Variants in CENPP observed in about 807,000 individuals in gnomAD.
The protein encoded by CENPP is centromere protein P.
Under a neutral mutation model 35.6 loss-of-function variants are expected in CENPP, and 24 were observed. That is an observed-to-expected ratio of 0.67 (90% confidence interval 0.49 to 0.95). The LOEUF (loss-of-function observed/expected upper bound fraction) is 0.95, where lower values mean the gene tolerates loss of function less well. Ranked by LOEUF, CENPP falls within the 40% of genes least tolerant of loss-of-function variation. The probability of loss-of-function intolerance (pLI) is 0.00; values close to 1 mark genes in which losing one functional copy is unlikely to be tolerated. For synonymous variants in CENPP, 120 were observed against 125.5 expected, an observed-to-expected ratio of 0.96 and a Z score of 0.29; for missense variants, 332 against 345.3, an observed-to-expected ratio of 0.96 and a Z score of 0.31.
intron 4 of CENPP, among the ~76,000 whole-genome samples, chr9:92,376,627 C>T (rs1300471967): frequency 6.6e-6 from 1 of 152,184 alleles, no homozygotes; most frequent in Non-Finnish European, 1.5e-5. Context: ...AGGTGTACCG[C>T]TTGCATAGGA....
rs968040 is a variant in CENPP at position 92,517,703 on chromosome 9, C to T, written c.565-93611C>T. 72 of 1,613,694 alleles carry T rather than the reference C, an allele frequency of 4.5e-5. No individual in the cohort carries two copies. In the Admixed American group the frequency reaches 6.2e-4, roughly 14 times the overall value. On this transcript the variant is annotated intron_variant, in intron 5 of 7. Transcript: ENST00000375587. The stretch of plus-strand genomic sequence containing the variant: ...TCTCTGTACCAGTAGCGGAGCAGAC[C>T]GGGCAGCATTCCCCTTCAGGTATAA...
intron 5 of CENPP, among the ~76,000 whole-genome samples, chr9:92,390,595 C>T (rs1055743084): frequency 9.2e-4 from 135 of 146,302 alleles, no homozygotes; most frequent in African/African-American, 3.0e-3. Flanking sequence ...TGTGCGCGCG[C>T]GCGTACTTGC....
chr9:92,585,828 C>T (rs1426166605), intron 5 of CENPP, among the ~76,000 whole-genome samples: 2 of 152,210 alleles, frequency 1.3e-5, no homozygotes, highest in Non-Finnish European at 2.9e-5. Context: ...CTATCCTTCC[C>T]TAGCACAGAA....
intron 5 of CENPP, among the ~76,000 whole-genome samples, chr9:92,422,505 C>T (rs867210909): frequency 3.3e-5 from 5 of 152,154 alleles, no homozygotes; most frequent in Non-Finnish European, 5.9e-5. Flanking sequence ...ATGACTGGGG[C>T]GTCTCTGAAA....
At chr9:92,408,190 T>C (rs1052665347) in intron 5 of CENPP, among the ~76,000 whole-genome samples, 5 of 152,026 alleles carry the variant, frequency 3.3e-5, no homozygotes, top group African/African-American at 1.2e-4. Flanking sequence ...AGTTTTTGTT[T>C]GTTTGTTTGT....
chr9:92,368,602 G>C (rs578194613), intron 4 of CENPP, among the ~76,000 whole-genome samples: 24 of 152,284 alleles, frequency 1.6e-4, no homozygotes, highest in South Asian at 4.1e-4. Context: ...AGAACCTTTT[G>C]AGTGACCAAA....
At chr9:92,533,599 A>G (rs1021716499) in intron 5 of CENPP, among the ~76,000 whole-genome samples, 1 of 151,806 alleles carries the variant, frequency 6.6e-6, no homozygotes, top group Admixed American at 6.6e-5. Flanking sequence ...TATTCTCAGC[A>G]GGTCTAATGA....
intron 5 of CENPP, chr9:92,386,090 C>G: frequency 1.3e-6 from 1 of 785,214 alleles, no homozygotes; most frequent in Non-Finnish European, 2.2e-6. Flanking sequence ...TATCACGCTA[C>G]TACAGTGATC....
chr9:92,520,602 C>G (rs888674614), intron 5 of CENPP, among the ~76,000 whole-genome samples: 2 of 152,142 alleles, frequency 1.3e-5, no homozygotes, highest in Non-Finnish European at 2.9e-5. Context: ...CAGTTCCCCT[C>G]CTAAGTATAT....
At chr9:92,610,289 C>T (rs539664962) in intron 5 of CENPP, among the ~76,000 whole-genome samples, 196 of 152,166 alleles carry the variant, frequency 1.3e-3, no homozygotes, top group Middle Eastern at 6.8e-3. Context: ...CTCTTGACCT[C>T]GTGATCCACC....
intron 5 of CENPP, among the ~76,000 whole-genome samples, chr9:92,407,403 A>G (rs1187176864): frequency 1.3e-5 from 2 of 152,226 alleles, no homozygotes; most frequent in East Asian, 3.8e-4. Flanking sequence ...GCCAAGGCAA[A>G]GCCCAGACCT....
At chr9:92,383,690 A>C (rs1399182478) in intron 5 of CENPP, among the ~76,000 whole-genome samples, 1 of 152,132 alleles carries the variant, frequency 6.6e-6, no homozygotes, top group Non-Finnish European at 1.5e-5. Context: ...ATGCATGTTC[A>C]TATATATCCT....
At chr9:92,352,505 G>GTGTGTGTGTATATATATATATATATATA in intron 4 of CENPP, among the ~76,000 whole-genome samples, 5 of 49,782 alleles carry the variant, frequency 1.0e-4, no homozygotes, top group African/African-American at 1.8e-4. Context: ...GTGTGTGTGT[G>GTGTGTGTGTATATATATATATATATATA]TATACATATA....
intron 5 of CENPP, among the ~76,000 whole-genome samples, chr9:92,449,816 C>T (rs1297784557): frequency 1.3e-5 from 2 of 152,268 alleles, no homozygotes; most frequent in East Asian, 3.9e-4. Context: ...TGGATGCTTC[C>T]TGAGGCCTCC....
Position 92,572,227 on chromosome 9 carries a change from C to T in CENPP, c.565-39087C>T, listed in dbSNP as rs544845867. On this transcript the variant is annotated intron_variant, in intron 5 of 7. Coordinates refer to ENST00000375587, the MANE Select transcript of CENPP (RefSeq NM_001012267.3). ...GGCACGTTTTTGCAGTAACTGGTAC[C>T]GGTTGTTCCTTTCCACATTTAGTGC... 5.3e-5 allele frequency among the ~76,000 whole-genome samples: 8 copies of T among 152,194 alleles called. No homozygotes were observed. In the East Asian group the frequency reaches 7.7e-4, roughly 15 times the overall value.
chr9:92,386,477 T>C (rs1295553278), intron 5 of CENPP, among the ~76,000 whole-genome samples: 1 of 152,180 alleles, frequency 6.6e-6, no homozygotes, highest in Non-Finnish European at 1.5e-5. Flanking sequence ...TTTTCTGACT[T>C]CACGTGTAGT....
intron 5 of CENPP, among the ~76,000 whole-genome samples, chr9:92,493,015 CAGCCTCTTCCTAAGGCCA>C (rs901137721): frequency 2.6e-5 from 4 of 152,334 alleles, no homozygotes; most frequent in Admixed American, 2.0e-4. Flanking sequence ...GAAAAACAGG[CAGCCTCTTCCTAAGGCCA>C]AGCCTCTTCA....
chr9:92,404,747 AC>A, intron 5 of CENPP: 1 of 859,340 alleles, frequency 1.2e-6, no homozygotes, highest in Middle Eastern at 2.8e-4. Context: ...TAACTGCTGC[AC>A]TCAGTCTGCT....
intron 5 of CENPP, among the ~76,000 whole-genome samples, chr9:92,451,314 T>C (rs890157168): frequency 6.1e-5 from 9 of 147,696 alleles, no homozygotes; most frequent in African/African-American, 1.3e-4. Context: ...TTTCTGCATA[T>C]GGCTAGCCAG....
Sources: gnomAD v4.1 joint callset for allele counts (sites outside exome capture counted in the v4.1 genomes callset) on GRCh38, gnomAD v4.1.1 for gene constraint, MANE v1.5 for transcripts, NCBI Gene and HGNC (gene_info 2026-07-23, HGNC 2026-07-21) for gene names.